Variants in ERC1 observed in about 807,000 individuals in gnomAD.
ERC1 encodes the protein RAB6 interacting protein 2.
A neutral mutation model predicts 132.0 loss-of-function variants in ERC1; 56 were observed. That is an observed-to-expected ratio of 0.42 (90% CI 0.34 to 0.53). The LOEUF (loss-of-function observed/expected upper bound fraction) is 0.53, where lower values mean the gene tolerates loss of function less well. ERC1 is among the 20% of genes least tolerant of loss of function. The pLI is 0.03. For missense variants in ERC1, 1,202 were observed against 1,349.9 expected (o/e 0.89, Z 1.72); for synonymous variants, 478 against 476.1 (o/e 1.00, Z -0.05).
intron 12 of ERC1, among the ~76,000 whole-genome samples, chr12:1,190,370 T>C (rs1248857558): frequency 6.6e-6 from 1 of 152,210 alleles, no homozygotes; most frequent in Non-Finnish European, 1.5e-5. Context: ...TACTTTTTAA[T>C]TTCTCTATAT....
chr12:1,220,043 A>G (rs1243690965), intron 12 of ERC1, among the ~76,000 whole-genome samples: 2 of 151,956 alleles, frequency 1.3e-5, no homozygotes, highest in East Asian at 1.9e-4. Flanking sequence ...TACTCCACCT[A>G]TCAGCTTTTT....
rs114843903 is a variant in ERC1 at position 1,348,263 on chromosome 12, A to G, written c.2781-23570A>G. Among the ~76,000 whole-genome samples, 749 of 152,132 alleles carry G rather than the reference A, an allele frequency of 4.9e-3. 9 individuals are homozygous for G. Among genetic ancestry groups the G allele is most frequent in the African/African-American group, 0.017 (712 of 41,500 alleles). ...GTCTTTAAGAAAGAGTATGTCTGCT[A>G]CTCTTGTTTCCAAAAGTGTTTATAT... On this transcript the variant is annotated intron_variant, in intron 15 of 18. Coordinates refer to ENST00000360905, the MANE Select transcript of ERC1 (RefSeq NM_178040.4).
rs2094334828 is a variant in ERC1, at chr12:1,493,539, A to AT, written c.*3309_*3310insT. ...GTGACAGAGACTCCATTTAAAAAAA[A>AT]AAAAAAAAAATATATATATATATAT... is the stretch of plus-strand genomic sequence containing the variant. On this transcript the variant is annotated 3_prime_UTR_variant, in exon 19 of 19. Transcript: ENST00000360905. 15 of 85,770 alleles carry AT rather than the reference A, an allele frequency of 1.7e-4. No homozygotes were observed. The highest frequency in any genetic ancestry group is 4.9e-4 in the South Asian group (1 of 2,052). 5.3% of individuals were successfully genotyped at this position (85,770 alleles called of 1,614,324 possible).
intron 18 of ERC1, among the ~76,000 whole-genome samples, chr12:1,478,354 G>T (rs117956396): frequency 6.6e-6 from 1 of 152,074 alleles, no homozygotes. Context: ...ATACTCTTGT[G>T]GTCATTCAAG....
At chr12:1,039,493 G>A (rs1383542516) in intron 2 of ERC1, among the ~76,000 whole-genome samples, 1 of 151,546 alleles carries the variant, frequency 6.6e-6, no homozygotes, top group Non-Finnish European at 1.5e-5. Context: ...GTGCACTACT[G>A]CACTTCCACC....
intron 17 of ERC1, among the ~76,000 whole-genome samples, chr12:1,440,226 A>T (rs553365624): frequency 1.8e-3 from 235 of 129,670 alleles, no homozygotes; most frequent in African/African-American, 7.1e-3. Context: ...TTTCCTTGAG[A>T]CAGAGTCTTG....
At chr12:1,386,114 A>G (rs2089317243) in intron 16 of ERC1, 1 of 141,296 alleles carries the variant, frequency 7.1e-6, no homozygotes, top group Middle Eastern at 3.6e-3. Flanking sequence ...AGCTTAGCTC[A>G]CTGCAACCTC....
intron 3 of ERC1, among the ~76,000 whole-genome samples, chr12:1,100,187 A>AGG (rs960619182): frequency 1.3e-5 from 2 of 152,038 alleles, no homozygotes; most frequent in African/African-American, 4.8e-5. Context: ...AGTTAAGGGA[A>AGG]GGAGAGAGCC....
intron 12 of ERC1, among the ~76,000 whole-genome samples, chr12:1,219,511 C>G (rs1958756762): frequency 6.6e-6 from 1 of 152,142 alleles, no homozygotes; most frequent in Non-Finnish European, 1.5e-5. Flanking sequence ...TTCAATGATT[C>G]CATTCGATTC....
rs368126286 is a variant in ERC1, at chr12:1,323,824, T to G, written c.2780+33812T>G. Among the ~76,000 whole-genome samples the G allele has an allele frequency of 2.4e-4, 37 of 152,316 alleles. 1 individual carries two copies. In the South Asian group the frequency reaches 6.6e-3, roughly 27 times the overall value. ...TCTTTTCAATTTTTTCTTTTAAATG[T>G]GCAACATGAAACTACTCCTTACCTT... On this transcript the variant is annotated intron_variant, in intron 15 of 18. Transcript: ENST00000360905.
rs1055619121 is a variant in ERC1, at chr12:1,195,710, A to G, written c.2351+5658A>G. 2.0e-5 allele frequency among the ~76,000 whole-genome samples: 3 copies of G among 152,300 alleles called. No individual in the cohort carries two copies. The South Asian group carries it at 6.2e-4, about 32-fold the overall frequency. Reference sequence around the variant, plus strand: ...AGAGAGTGACAGTTAACAAAACCTCAGCAAAGCAGAGTTGGAACTGAAATG... The same window carrying G: ...AGAGAGTGACAGTTAACAAAACCTCGGCAAAGCAGAGTTGGAACTGAAATG... On this transcript the variant is annotated intron_variant, in intron 12 of 18. Coordinates refer to ENST00000360905, the MANE Select transcript of ERC1 (RefSeq NM_178040.4).
chr12:1,170,183 A>C (rs1201472718), intron 8 of ERC1, among the ~76,000 whole-genome samples: 4 of 152,212 alleles, frequency 2.6e-5, no homozygotes, highest in Non-Finnish European at 5.9e-5. Context: ...AGTGTATAAT[A>C]AACAAGTTTT....
intron 1 of ERC1, among the ~76,000 whole-genome samples, chr12:1,013,963 C>T (rs1467638740): frequency 2.6e-5 from 4 of 151,388 alleles, no homozygotes; most frequent in Non-Finnish European, 5.9e-5. Flanking sequence ...CTGAAGTGAT[C>T]CTTTCGCCTT....
At chr12:1,167,186 A>G (rs1304103576) in intron 8 of ERC1, among the ~76,000 whole-genome samples, 4 of 152,260 alleles carry the variant, frequency 2.6e-5, no homozygotes. Flanking sequence ...GTTGTTTCTC[A>G]GGAGATCCTG....
chr12:1,440,598 TTTTGTGTGTGTGTG>T (rs1464686539), intron 17 of ERC1, among the ~76,000 whole-genome samples: 1 of 106,530 alleles, frequency 9.4e-6, no homozygotes, highest in African/African-American at 5.6e-5. Context: ...TGCCTCAGCC[TTTTGTGTGTGTGTG>T]TGTGTGTGTG....
chr12:1,036,416 C>T lies in ERC1; in HGVS notation c.669+7844C>T, dbSNP rs537185013. Among the ~76,000 whole-genome samples, 24 of 151,142 alleles carry T rather than the reference C, an allele frequency of 1.6e-4. No individual in the cohort carries two copies. The East Asian group carries it at 3.5e-3, about 22-fold the overall frequency. On this transcript the variant is annotated intron_variant, in intron 2 of 18. Coordinates refer to ENST00000360905, the MANE Select transcript of ERC1 (RefSeq NM_178040.4). ...TGAGACAGAGTTTTGCTCTTGTTGC[C>T]CAGCCTGGAGTGCAATGGTGCGATC...
chr12:1,236,726 TAC>T (rs1566339084), intron 12 of ERC1, 41 bp from the exon 13 acceptor site: 1 of 1,588,182 alleles, frequency 6.3e-7, no homozygotes, highest in Non-Finnish European at 8.6e-7. Context: ...TTTGTTTCTA[TAC>T]ATACATATGC....
intron 2 of ERC1, among the ~76,000 whole-genome samples, chr12:1,048,410 A>C (rs1971417035): frequency 6.6e-6 from 1 of 151,994 alleles, no homozygotes; most frequent in Non-Finnish European, 1.5e-5. Context: ...GTTGTAATCC[A>C]CTGCTGATTT....
intron 8 of ERC1, among the ~76,000 whole-genome samples, chr12:1,169,987 T>G (rs1210261680): frequency 6.6e-6 from 1 of 152,216 alleles, no homozygotes; most frequent in East Asian, 1.9e-4. Context: ...TAAGATTTCT[T>G]GGACTGTATT....
Sources: allele counts gnomAD v4.1 joint callset (sites outside exome capture counted in the v4.1 genomes callset), GRCh38; gene constraint gnomAD v4.1.1; transcripts MANE v1.5; gene names NCBI Gene and HGNC (gene_info 2026-07-23, HGNC 2026-07-21).